The following TEAD1 variants were observed in gnomAD, a reference collection of about 807,000 sequenced individuals.
TEAD1 encodes the protein transcriptional enhancer factor TEF-1.
TEAD1 carries 9 observed loss-of-function variants against 54.9 expected under a neutral mutation model. The ratio of observed to expected loss-of-function variants is 0.16; its 90% CI spans 0.10 to 0.29. The LOEUF (loss-of-function observed/expected upper bound fraction) is 0.29, where lower values mean the gene tolerates loss of function less well. Ranked by LOEUF, TEAD1 falls within the 10% of genes least tolerant of loss-of-function variation. The pLI is 1.00. For synonymous variants in TEAD1, 200 were observed against 187.8 expected (o/e 1.07, Z -0.53); for missense variants, 387 against 535.9 (o/e 0.72, Z 2.74).
intron 2 of TEAD1, among the ~76,000 whole-genome samples, chr11:12,733,374 C>T (rs1944462065): frequency 6.6e-6 from 1 of 152,118 alleles, no homozygotes; most frequent in Admixed American, 6.5e-5. Context: ...GCTCTGGGGC[C>T]CCTGCTTCCT....
At position 12,942,825 on chromosome 11, in the gene TEAD1, A is replaced by G. The variant is rs941726901; in HGVS notation, c.*5603A>G. ...GTGCTACGAGAAACTTCCAAAGAGC[A>G]CCATTCACAATTTGGCATTTTCAAA... On this transcript the variant is annotated 3_prime_UTR_variant, in exon 13 of 13. Coordinates refer to ENST00000527636, the MANE Select transcript of TEAD1 (RefSeq NM_021961.6). The G allele has an allele frequency of 2.0e-5, 3 of 152,134 alleles. No homozygotes were observed. Among genetic ancestry groups the G allele is most frequent in the African/African-American group, 7.2e-5 (3 of 41,428 alleles). The allele number at this position is 152,134 out of a possible 1,614,324, so 9.4% of individuals were successfully genotyped here. A position where few individuals can be genotyped will look rare whatever the true frequency, so the allele number is the denominator to read the frequency against.
chr11:12,800,449 G>C (rs1590164456), intron 3 of TEAD1, among the ~76,000 whole-genome samples: 1 of 152,210 alleles, frequency 6.6e-6, no homozygotes, highest in African/African-American at 2.4e-5. Flanking sequence ...CTCTTGGATA[G>C]TTCTCATACC....
In TEAD1 at chr11:12,701,457, A is replaced by G. The variant is rs1943699887; in HGVS notation, c.-55+25896A>G. Among the ~76,000 whole-genome samples, 2 of 152,062 alleles carry G rather than the reference A, an allele frequency of 1.3e-5. 1 individual carries two copies. Among genetic ancestry groups the G allele is most frequent in the South Asian group, 4.2e-4 (2 of 4,812 alleles). On this transcript the variant is annotated intron_variant, in intron 2 of 12. Transcript: ENST00000527636. ...CCTTTCTTTTGATCTTGGAAATTGG[A>G]GTTTTGGAAAACCAAGCAGGGTAGG...
chr11:12,816,471 C>T (rs1000781230), intron 3 of TEAD1, among the ~76,000 whole-genome samples: 5 of 152,174 alleles, frequency 3.3e-5, no homozygotes, highest in African/African-American at 1.2e-4. Flanking sequence ...GTTACCCCGC[C>T]CCCTTTTTGG....
intron 5 of TEAD1, among the ~76,000 whole-genome samples, chr11:12,870,889 AAAAAAG>A (rs1230746804): frequency 1.3e-5 from 2 of 152,198 alleles, no homozygotes; most frequent in African/African-American, 4.8e-5. Context: ...CTGTCTCCAA[AAAAAAG>A]AAAAAGAAAA....
chr11:12,942,839 GGC>G lies in TEAD1; in HGVS notation c.*5618_*5619del. The G allele has an allele frequency of 6.6e-6, 1 of 152,082 alleles. No individual in the cohort carries two copies. The highest frequency in any genetic ancestry group is 1.5e-5 in the Non-Finnish European group (1 of 68,024). 9.4% of individuals were successfully genotyped at this position (152,082 alleles called of 1,614,324 possible). A position where few individuals can be genotyped will look rare whatever the true frequency, so the allele number is the denominator to read the frequency against. On this transcript the variant is annotated 3_prime_UTR_variant, in exon 13 of 13. Coordinates refer to ENST00000527636, the MANE Select transcript of TEAD1 (RefSeq NM_021961.6). ...TTCCAAAGAGCACCATTCACAATTTGGCATTTTCAAAGAATGTTCCAGCCCTC... is the reference window on the plus strand; with the variant it reads ...TTCCAAAGAGCACCATTCACAATTTGATTTTCAAAGAATGTTCCAGCCCTC...
intron 2 of TEAD1, among the ~76,000 whole-genome samples, chr11:12,675,960 T>C (rs1203863633): frequency 6.6e-6 from 1 of 152,222 alleles, no homozygotes; most frequent in Non-Finnish European, 1.5e-5. Context: ...AGGAGGCTTG[T>C]TAACTTCTTA....
chr11:12,800,191 A>G (rs558544575), intron 3 of TEAD1, among the ~76,000 whole-genome samples: 1 of 152,300 alleles, frequency 6.6e-6, no homozygotes, highest in East Asian at 1.9e-4. Context: ...TCCGTGGATG[A>G]TGACTGCTTG....
At chr11:12,690,281 C>T (rs1387571570) in intron 2 of TEAD1, among the ~76,000 whole-genome samples, 1 of 150,786 alleles carries the variant, frequency 6.6e-6, no homozygotes, top group Non-Finnish European at 1.5e-5. Context: ...CCCTTAATGT[C>T]AAATATCTAG....
intron 2 of TEAD1, among the ~76,000 whole-genome samples, chr11:12,731,458 T>A (rs558205795): frequency 1.2e-4 from 18 of 152,284 alleles, no homozygotes; most frequent in African/African-American, 2.2e-4. Flanking sequence ...TATGTTTTTT[T>A]AAAAAACTAA....
chr11:12,784,160 T>G (rs1167009290), intron 3 of TEAD1, among the ~76,000 whole-genome samples: 1 of 152,118 alleles, frequency 6.6e-6, no homozygotes, highest in Non-Finnish European at 1.5e-5. Context: ...ATTAGGTGTA[T>G]TAGAGATGAG....
At chr11:12,859,507 G>T (rs943181128) in intron 3 of TEAD1, among the ~76,000 whole-genome samples, 4 of 152,172 alleles carry the variant, frequency 2.6e-5, no homozygotes, top group Non-Finnish European at 5.9e-5. Flanking sequence ...TCCTAGCTGG[G>T]CTCTGTTGTC....
At chr11:12,760,944 A>G (rs900664588) in intron 2 of TEAD1, among the ~76,000 whole-genome samples, 2 of 152,336 alleles carry the variant, frequency 1.3e-5, no homozygotes, top group East Asian at 3.9e-4. Context: ...TTGTAAAACC[A>G]GAGGCCTGTA....
At chr11:12,853,361 A>G (rs1947311965) in intron 3 of TEAD1, among the ~76,000 whole-genome samples, 1 of 152,162 alleles carries the variant, frequency 6.6e-6, no homozygotes, top group Non-Finnish European at 1.5e-5. Context: ...TGAACACCAT[A>G]CTAAAGCAGT....
At chr11:12,884,359 T>C (rs1405852000) in intron 9 of TEAD1, among the ~76,000 whole-genome samples, 1 of 152,170 alleles carries the variant, frequency 6.6e-6, no homozygotes, top group African/African-American at 2.4e-5. Flanking sequence ...ACGTTCTCTA[T>C]CTCACCCCAT....
intron 3 of TEAD1, among the ~76,000 whole-genome samples, chr11:12,790,526 C>G (rs987446575): frequency 6.6e-6 from 1 of 152,182 alleles, no homozygotes; most frequent in Non-Finnish European, 1.5e-5. Flanking sequence ...GAATATAATT[C>G]TATTAAACTT....
At chr11:12,739,590 C>G (rs996730369) in intron 2 of TEAD1, among the ~76,000 whole-genome samples, 1 of 152,160 alleles carries the variant, frequency 6.6e-6, no homozygotes. Context: ...AAGATGTATT[C>G]TTGTCATGGG....
chr11:12,761,777 G>GT (rs1180019750), intron 2 of TEAD1, among the ~76,000 whole-genome samples: 1 of 152,200 alleles, frequency 6.6e-6, no homozygotes, highest in Non-Finnish European at 1.5e-5. Flanking sequence ...GAATGGATGT[G>GT]TAGATGTTAA....
In TEAD1 at chr11:12,862,237, T is replaced by G. The variant is rs1188404272; in HGVS notation, c.203-13T>G. 6.2e-7 allele frequency: 1 copy of G among 1,613,016 alleles called. No homozygotes were observed. The highest frequency in any genetic ancestry group is 2.2e-5 in the East Asian group (1 of 44,838). On this transcript the variant is annotated splice_polypyrimidine_tract_variant and intron_variant, in intron 3 of 12. Coordinates refer to ENST00000527636, the MANE Select transcript of TEAD1 (RefSeq NM_021961.6). ...TGGTAACCCACCTCATGGTAAATTC[T>G]TCTTTCTTTCAGGTAGGAATGAATT... is the stretch of plus-strand genomic sequence containing the variant.
Sources: allele counts gnomAD v4.1 joint callset (sites outside exome capture counted in the v4.1 genomes callset), GRCh38; gene constraint gnomAD v4.1.1; transcripts MANE v1.5; gene names NCBI Gene and HGNC (gene_info 2026-07-23, HGNC 2026-07-21).